SIK3: variants seen among roughly 807,000 people sequenced by gnomAD.
SIK3 encodes the protein SIK family kinase 3.
SIK3 carries 28 observed loss-of-function variants against 144.2 expected under a neutral mutation model. That is an observed-to-expected ratio of 0.19 (90% confidence interval 0.14 to 0.27). SIK3 has a LOEUF of 0.27. Among genes scored for constraint, SIK3 ranks in the 10% least tolerant of loss-of-function variants. The pLI, the probability that SIK3 is intolerant of heterozygous loss-of-function variation, is 1.00. For missense variants in SIK3, 1,319 were observed against 1,776.0 expected (o/e 0.74, Z 4.62); for synonymous variants, 686 against 676.3 (o/e 1.01, Z -0.22).
intron 1 of SIK3, among the ~76,000 whole-genome samples, chr11:117,001,585 G>A (rs1321028983): frequency 6.6e-6 from 1 of 152,138 alleles, no homozygotes; most frequent in African/African-American, 2.4e-5. Flanking sequence ...TTGGGAGGCT[G>A]AGACAAGAGA....
chr11:117,053,955 C>A (rs935765532), intron 1 of SIK3, among the ~76,000 whole-genome samples: 5 of 151,944 alleles, frequency 3.3e-5, no homozygotes, highest in African/African-American at 1.2e-4. Flanking sequence ...CATTTTCTTT[C>A]TATTTTTTTC....
chr11:117,091,199 T>TC (rs1955229676), intron 1 of SIK3, among the ~76,000 whole-genome samples: 1 of 125,886 alleles, frequency 7.9e-6, no homozygotes. Context: ...GTTTTTTTTT[T>TC]CTTTTTTTTT....
intron 1 of SIK3, among the ~76,000 whole-genome samples, chr11:117,004,923 G>C (rs1426124932): frequency 1.3e-5 from 2 of 152,156 alleles, no homozygotes; most frequent in South Asian, 2.1e-4. Context: ...GCAATGAAAG[G>C]CATGTTAGAT....
At chr11:117,036,131 G>T in intron 1 of SIK3, 2 of 519,640 alleles carry the variant, frequency 3.8e-6, no homozygotes, top group Non-Finnish European at 6.7e-6. Flanking sequence ...TGTCACCTAG[G>T]CTTGTCTTGC....
In SIK3 at chr11:116,953,006, A is replaced by G. The variant is rs575180876; in HGVS notation, c.454+1038T>C. Among the ~76,000 whole-genome samples, 43 of 152,306 alleles carry G rather than the reference A, an allele frequency of 2.8e-4. No individual in the cohort carries two copies. In the East Asian group the frequency reaches 7.3e-3, roughly 26 times the overall value. On this transcript the variant is annotated intron_variant, in intron 3 of 24. Transcript: ENST00000445177. ...AAGCCAATTAAATATAAAATTAAGAAATAATGATACCTCTTTTAAAAAGGA... is the reference window on the plus strand; with the variant it reads ...AAGCCAATTAAATATAAAATTAAGAGATAATGATACCTCTTTTAAAAAGGA...
At chr11:116,906,975 A>C (rs1946075861) in intron 4 of SIK3, among the ~76,000 whole-genome samples, 1 of 152,190 alleles carries the variant, frequency 6.6e-6, no homozygotes, top group African/African-American at 2.4e-5. Context: ...AGAGCCCTGG[A>C]GGGAGCCATG....
At chr11:117,085,712 T>C (rs984040028) in intron 1 of SIK3, among the ~76,000 whole-genome samples, 1 of 152,158 alleles carries the variant, frequency 6.6e-6, no homozygotes, top group Non-Finnish European at 1.5e-5. Flanking sequence ...GAGCCAGGCA[T>C]GGTGGCTCAT....
At chr11:116,936,361 A>G (rs1947921238) in intron 3 of SIK3, among the ~76,000 whole-genome samples, 1 of 152,152 alleles carries the variant, frequency 6.6e-6, no homozygotes, top group South Asian at 2.1e-4. Context: ...TTTTTAATAG[A>G]GACGGAGTTT....
At chr11:117,089,853 G>A (rs900243382) in intron 1 of SIK3, among the ~76,000 whole-genome samples, 2 of 152,164 alleles carry the variant, frequency 1.3e-5, no homozygotes, top group South Asian at 4.1e-4. Flanking sequence ...CAACTTCTGG[G>A]AAATGTGGCT....
chr11:117,054,034 T>C (rs1157534392), intron 1 of SIK3, among the ~76,000 whole-genome samples: 1 of 152,208 alleles, frequency 6.6e-6, no homozygotes, highest in Non-Finnish European at 1.5e-5. Context: ...GACTCCCAAG[T>C]AGCTAGGACT....
intron 3 of SIK3, among the ~76,000 whole-genome samples, chr11:116,939,144 C>T (rs935447867): frequency 6.6e-6 from 1 of 152,080 alleles, no homozygotes; most frequent in East Asian, 1.9e-4. Context: ...TTTGCAACTT[C>T]TTTTTTGTTT....
chr11:116,951,454 T>G (rs1331914457), intron 3 of SIK3, among the ~76,000 whole-genome samples: 1 of 152,170 alleles, frequency 6.6e-6, no homozygotes, highest in Non-Finnish European at 1.5e-5. Context: ...TTACAATATA[T>G]AATTATAGGT....
rs190652722 is a variant in SIK3 at position 116,907,539 on chromosome 11, G to A, written c.617-10222C>T. ...CAGGTGCCTGAAATCCCAGCTACTCGGGAGGCTGAGGCAGGAGAATTGCTT... is the reference window on the plus strand; with the variant it reads ...CAGGTGCCTGAAATCCCAGCTACTCAGGAGGCTGAGGCAGGAGAATTGCTT... On this transcript the variant is annotated intron_variant, in intron 4 of 24. Coordinates refer to ENST00000445177, the MANE Select transcript of SIK3 (RefSeq NM_001366686.3). Among the ~76,000 whole-genome samples, 482 of 152,210 alleles carry A rather than the reference G, an allele frequency of 3.2e-3. 1 individual carries two copies. The highest frequency in any genetic ancestry group is 5.7e-3 in the Non-Finnish European group (385 of 68,006).
intron 1 of SIK3, among the ~76,000 whole-genome samples, chr11:116,965,723 G>A (rs887709078): frequency 1.8e-5 from 2 of 110,836 alleles, no homozygotes; most frequent in African/African-American, 3.8e-5. Context: ...GTGAAAACCC[G>A]TCTCTGCTAA....
At chr11:116,965,537 G>A (rs1451004311) in intron 1 of SIK3, among the ~76,000 whole-genome samples, 1 of 151,334 alleles carries the variant, frequency 6.6e-6, no homozygotes, top group Non-Finnish European at 1.5e-5. Context: ...CTTAGAATGG[G>A]ATTGATGGCT....
intron 21 of SIK3, chr11:116,855,470 A>C (rs968551510): frequency 6.6e-6 from 1 of 152,282 alleles, no homozygotes; most frequent in African/African-American, 2.4e-5. Flanking sequence ...GTCCTCTGAC[A>C]ATCAGGGGAC....
At chr11:116,863,358 C>T (rs1943453854) in intron 16 of SIK3, among the ~76,000 whole-genome samples, 1 of 152,112 alleles carries the variant, frequency 6.6e-6, no homozygotes, top group Non-Finnish European at 1.5e-5. Flanking sequence ...TCAAGTGATC[C>T]TCCCATCTCA....
At chr11:116,910,898 T>C (rs1591300240) in intron 4 of SIK3, among the ~76,000 whole-genome samples, 1 of 152,224 alleles carries the variant, frequency 6.6e-6, no homozygotes, top group East Asian at 1.9e-4. Context: ...GTAAACACAC[T>C]TTGAAGTTTT....
At chr11:116,912,731 T>G (rs978503268) in intron 4 of SIK3, among the ~76,000 whole-genome samples, 1 of 152,220 alleles carries the variant, frequency 6.6e-6, no homozygotes, top group African/African-American at 2.4e-5. Flanking sequence ...AGATCCTTCA[T>G]GTTTTCAAAG....
Sources: gnomAD v4.1 joint callset for allele counts (sites outside exome capture counted in the v4.1 genomes callset) on GRCh38, gnomAD v4.1.1 for gene constraint, MANE v1.5 for transcripts, NCBI Gene and HGNC (gene_info 2026-07-23, HGNC 2026-07-21) for gene names.